Variants in TPD52L1 observed in about 807,000 individuals in gnomAD.
TPD52L1 encodes the protein TPD52 like 1, also known as tumor protein D53.
TPD52L1 carries 18 observed loss-of-function variants against 28.7 expected under a neutral mutation model. The ratio of observed to expected loss-of-function variants is 0.63; its 90% CI spans 0.43 to 0.93. The LOEUF is 0.93. Among genes scored for constraint, TPD52L1 ranks in the 40% least tolerant of loss-of-function variants. The probability of loss-of-function intolerance (pLI) is 0.00; values close to 1 mark genes in which losing one functional copy is unlikely to be tolerated. For synonymous variants in TPD52L1, 75 were observed against 88.8 expected (o/e 0.84, Z 0.88); for missense variants, 203 against 254.8 (o/e 0.80, Z 1.39).
intron 1 of TPD52L1, among the ~76,000 whole-genome samples, chr6:125,159,453 G>A (rs985127665): frequency 2.6e-5 from 4 of 152,132 alleles, no homozygotes; most frequent in Admixed American, 6.5e-5. Flanking sequence ...TTCTTTTGCT[G>A]TTTCTACCAC....
rs188423241 is a variant in TPD52L1, at chr6:125,164,403, A to G, written c.19+10433A>G. 8.1e-4 allele frequency among the ~76,000 whole-genome samples: 124 copies of G among 152,272 alleles called. No homozygotes were observed. In the Middle Eastern group the frequency reaches 0.017, roughly 21 times the overall value. On this transcript the variant is annotated intron_variant, in intron 1 of 6. Coordinates refer to ENST00000534000, the MANE Select transcript of TPD52L1 (RefSeq NM_003287.4). ...TGAAGAATTCTATAAAAATCACATG[A>G]CATGTGATTCTTAAACCAATACAGA...
chr6:125,261,598 A>T (rs1452263421), intron 6 of TPD52L1: 1 of 151,714 alleles, frequency 6.6e-6, no homozygotes, highest in Non-Finnish European at 1.5e-5. Flanking sequence ...CTACTTTTTG[A>T]TAAATACATT....
chr6:125,228,666 C>T (rs867733659), intron 2 of TPD52L1, among the ~76,000 whole-genome samples: 2 of 152,108 alleles, frequency 1.3e-5, no homozygotes, highest in Admixed American at 6.6e-5. Context: ...CATAGTGAGA[C>T]CCTGTCTCTT....
chr6:125,254,965 G>A (rs1341956846), intron 5 of TPD52L1, among the ~76,000 whole-genome samples: 1 of 152,206 alleles, frequency 6.6e-6, no homozygotes, highest in African/African-American at 2.4e-5. Context: ...TTCACCCTCA[G>A]TATTTAGTTC....
At chr6:125,235,744 A>G (rs1796227544) in intron 3 of TPD52L1, among the ~76,000 whole-genome samples, 1 of 152,258 alleles carries the variant, frequency 6.6e-6, no homozygotes, top group South Asian at 2.1e-4. Flanking sequence ...ACTGTTTTCA[A>G]GAAATATGAT....
At chr6:125,202,877 T>A (rs191196283) in intron 1 of TPD52L1, among the ~76,000 whole-genome samples, 62 of 148,494 alleles carry the variant, frequency 4.2e-4, no homozygotes, top group African/African-American at 1.4e-3. Context: ...GCAATTCTCC[T>A]GCCTCAGCTT....
chr6:125,161,248 T>A (rs1410943232), intron 1 of TPD52L1, among the ~76,000 whole-genome samples: 1 of 152,236 alleles, frequency 6.6e-6, no homozygotes, highest in Non-Finnish European at 1.5e-5. Context: ...CTTCATAAAT[T>A]GAAGAGACTT....
chr6:125,155,912 G>A (rs900690953), intron 1 of TPD52L1, among the ~76,000 whole-genome samples: 2 of 152,138 alleles, frequency 1.3e-5, no homozygotes, highest in African/African-American at 4.8e-5. Context: ...AAAAGTAATT[G>A]CAATTTTTGC....
intron 1 of TPD52L1, among the ~76,000 whole-genome samples, chr6:125,198,653 T>C (rs1793597621): frequency 6.6e-6 from 1 of 152,234 alleles, no homozygotes; most frequent in Non-Finnish European, 1.5e-5. Context: ...GCATAAAATC[T>C]TTGGCACAGT....
chr6:125,217,373 T>C (rs1794953494), intron 1 of TPD52L1, among the ~76,000 whole-genome samples: 1 of 152,166 alleles, frequency 6.6e-6, no homozygotes, highest in Non-Finnish European at 1.5e-5. Context: ...CTTGTTTTCT[T>C]ACAACTAGAC....
At chr6:125,194,125 ATTTTGAGT>A (rs1376493837) in intron 1 of TPD52L1, among the ~76,000 whole-genome samples, 4 of 145,186 alleles carry the variant, frequency 2.8e-5, no homozygotes, top group Non-Finnish European at 6.0e-5. Flanking sequence ...CTACTTGTGG[ATTTTGAGT>A]TTTTGTTTTT....
intron 1 of TPD52L1, among the ~76,000 whole-genome samples, chr6:125,195,201 T>C (rs1344082332): frequency 6.6e-6 from 1 of 152,208 alleles, no homozygotes; most frequent in African/African-American, 2.4e-5. Flanking sequence ...GAAGTTAATC[T>C]GTAACAAGGG....
At chr6:125,174,149 A>G (rs924312290) in intron 1 of TPD52L1, among the ~76,000 whole-genome samples, 4 of 152,162 alleles carry the variant, frequency 2.6e-5, no homozygotes, top group African/African-American at 7.2e-5. Flanking sequence ...GTGCTTGGGT[A>G]CTATTATGGC....
chr6:125,204,775 G>A (rs1794011877), intron 1 of TPD52L1, among the ~76,000 whole-genome samples: 1 of 152,196 alleles, frequency 6.6e-6, no homozygotes, highest in South Asian at 2.1e-4. Context: ...CACTGCGCCA[G>A]GCCTATCAGA....
chr6:125,215,083 G>T (rs929698542), intron 1 of TPD52L1, among the ~76,000 whole-genome samples: 1 of 152,152 alleles, frequency 6.6e-6, no homozygotes, highest in African/African-American at 2.4e-5. Flanking sequence ...TAAAAGTGGT[G>T]ACTTGAGCAT....
At position 125,262,847 on chromosome 6, in the gene TPD52L1, G is replaced by A. The variant is rs1798137325; in HGVS notation, c.500G>A (p.Gly167Asp). ...TVTSLKTKVG[G>D]TNPNGGSFEE... Reference sequence around the variant, plus strand: ...TGCTCATTTCAGACGAAAGTAGGCGGTACGAACCCTAATGGAGGCAGTTTT... The same window carrying A: ...TGCTCATTTCAGACGAAAGTAGGCGATACGAACCCTAATGGAGGCAGTTTT... The change falls in exon 7 of 7, where the codon GGT becomes GAT. Residue 167 changes from glycine (G) to aspartate (D), a missense_variant. Coordinates refer to ENST00000534000, the MANE Select transcript of TPD52L1 (RefSeq NM_003287.4). 1.2e-6 allele frequency: 2 copies of A among 1,613,838 alleles called. No individual in the cohort carries two copies. The highest frequency in any genetic ancestry group is 1.1e-5 in the South Asian group (1 of 91,056).
rs1798163471 is a variant in TPD52L1, at chr6:125,263,323, G to A, written c.*361G>A. The A allele has an allele frequency of 4.5e-6, 1 of 223,124 alleles. No homozygotes were observed. Among genetic ancestry groups the A allele is most frequent in the Non-Finnish European group, 9.0e-6 (1 of 111,328 alleles). 13.8% of individuals were successfully genotyped at this position (223,124 alleles called of 1,614,324 possible). A position where few individuals can be genotyped will look rare whatever the true frequency, so the allele number is the denominator to read the frequency against. On this transcript the variant is annotated 3_prime_UTR_variant, in exon 7 of 7. Coordinates refer to ENST00000534000, the MANE Select transcript of TPD52L1 (RefSeq NM_003287.4). Reference sequence around the variant, plus strand: ...CCTCCTTTATGATGTGCATGTCCTTGAAGGCTGAATGAACAGTCCCTTTCA... The same window carrying A: ...CCTCCTTTATGATGTGCATGTCCTTAAAGGCTGAATGAACAGTCCCTTTCA...
intron 1 of TPD52L1, among the ~76,000 whole-genome samples, chr6:125,201,725 G>C (rs1395951008): frequency 6.6e-6 from 1 of 152,188 alleles, no homozygotes; most frequent in Non-Finnish European, 1.5e-5. Flanking sequence ...GTGAGGATAA[G>C]TGTCTTTTCA....
intron 1 of TPD52L1, among the ~76,000 whole-genome samples, chr6:125,190,506 T>C (rs1055399508): frequency 1.3e-5 from 2 of 152,080 alleles, no homozygotes; most frequent in African/African-American, 4.8e-5. Context: ...AGACGAAGGT[T>C]GGGGGATGGT....
Sources: gnomAD v4.1 joint callset for allele counts (sites outside exome capture counted in the v4.1 genomes callset) on GRCh38, gnomAD v4.1.1 for gene constraint, MANE v1.5 for transcripts, NCBI Gene and HGNC (gene_info 2026-07-23, HGNC 2026-07-21) for gene names.